The following DENND2B variants were observed in gnomAD, a reference collection of about 807,000 sequenced individuals.
DENND2B encodes the protein DENN domain containing 2B, also known as DENN domain-containing protein 2B.
Under a neutral mutation model 116.0 loss-of-function variants are expected in DENND2B, and 32 were observed. That is an observed-to-expected ratio of 0.28 (90% CI 0.21 to 0.37). DENND2B has a LOEUF of 0.37. DENND2B is among the 10% of genes least tolerant of loss of function. The probability of loss-of-function intolerance (pLI) is 1.00; values close to 1 mark genes in which losing one functional copy is unlikely to be tolerated. For synonymous variants in DENND2B, 588 were observed against 583.9 expected, an observed-to-expected ratio of 1.01 and a Z score of -0.10; for missense variants, 1,276 against 1,477.7, an observed-to-expected ratio of 0.86 and a Z score of 2.24.
intron 18 of DENND2B, chr11:8,695,823 C>CAT (rs2040255267): frequency 2.0e-6 from 1 of 494,740 alleles, no homozygotes; most frequent in East Asian, 3.6e-5. Context: ...TTCAGAGCTG[C>CAT]CCCAAGTGGA....
chr11:8,858,431 G>T (rs565076509), intron 2 of DENND2B, among the ~76,000 whole-genome samples: 1 of 152,092 alleles, frequency 6.6e-6, no homozygotes, highest in African/African-American at 2.4e-5. Flanking sequence ...GGCAGAGAAG[G>T]CCTCCCTGAG....
intron 3 of DENND2B, among the ~76,000 whole-genome samples, chr11:8,728,042 T>C (rs1023295688): frequency 2.4e-4 from 37 of 151,720 alleles, no homozygotes; most frequent in Admixed American, 1.7e-3. Context: ...TCTTGTGCTG[T>C]TGCCCAGGCT....
intron 2 of DENND2B, among the ~76,000 whole-genome samples, chr11:8,743,215 T>TA (rs922021804): frequency 2.0e-5 from 3 of 151,962 alleles, no homozygotes; most frequent in South Asian, 2.1e-4. Flanking sequence ...TAAATCTGTT[T>TA]AAAAAAAATC....
At chr11:8,879,499 T>G (rs1345935116) in intron 2 of DENND2B, among the ~76,000 whole-genome samples, 2 of 152,182 alleles carry the variant, frequency 1.3e-5, no homozygotes. Context: ...TTCTGAAGGA[T>G]GTGGAGAGAC....
At chr11:8,798,069 C>T (rs995531090) in intron 1 of DENND2B, among the ~76,000 whole-genome samples, 2 of 152,166 alleles carry the variant, frequency 1.3e-5, no homozygotes, top group African/African-American at 4.8e-5. Flanking sequence ...GTCCCTGTTA[C>T]TCTCTCTTTT....
chr11:8,903,642 A>C (rs1465613750), intron 1 of DENND2B, among the ~76,000 whole-genome samples: 2 of 152,070 alleles, frequency 1.3e-5, no homozygotes, highest in African/African-American at 4.8e-5. Context: ...AAACTGACTC[A>C]AGATGGAATA....
chr11:8,699,907 C>G, intron 14 of DENND2B: 1 of 456,392 alleles, frequency 2.2e-6, no homozygotes, highest in Non-Finnish European at 4.4e-6. Flanking sequence ...GGAAGGACAT[C>G]TTTTCCAAGA....
chr11:8,710,195 G>A (rs1313224621), intron 11 of DENND2B, among the ~76,000 whole-genome samples: 1 of 152,182 alleles, frequency 6.6e-6, no homozygotes, highest in African/African-American at 2.4e-5. Flanking sequence ...TGCAGCAGGG[G>A]CCAGGCTCTG....
intron 1 of DENND2B, among the ~76,000 whole-genome samples, chr11:8,777,353 G>T (rs2057856029): frequency 6.6e-6 from 1 of 152,148 alleles, no homozygotes; most frequent in Admixed American, 6.5e-5. Context: ...CCCTGCCCAG[G>T]GGAGACAAAT....
Position 8,702,741 on chromosome 11 carries a change from A to G in DENND2B, c.2572-21T>C, listed in dbSNP as rs750594244. 6.2e-7 allele frequency: 1 copy of G among 1,608,776 alleles called. No homozygotes were observed. Among genetic ancestry groups the G allele is most frequent in the Non-Finnish European group, 8.5e-7 (1 of 1,177,610 alleles). ...AACACCTGCAGGAGAGCGATGGGAA[A>G]GTGGGCCGGGGCCAGCCAAGTGGGT... On this transcript the variant is annotated intron_variant, in intron 13 of 19. Coordinates refer to ENST00000313726, the MANE Select transcript of DENND2B (RefSeq NM_213618.2). This position sits in a 1 kb window ranked among gnomAD's most constrained non-coding sequence, Gnocchi z 4.6.
chr11:8,907,858 G>C (rs1392384777), intron 1 of DENND2B, among the ~76,000 whole-genome samples: 1 of 152,112 alleles, frequency 6.6e-6, no homozygotes, highest in Non-Finnish European at 1.5e-5. Flanking sequence ...ACCATGCCAG[G>C]CTAGTTTTTT....
Position 8,730,173 on chromosome 11 carries a change from G to A in DENND2B, c.1117C>T (p.Arg373Trp). 6 of 1,614,102 alleles carry A rather than the reference G, an allele frequency of 3.7e-6. No individual in the cohort carries two copies. The highest frequency in any genetic ancestry group is 2.2e-5 in the East Asian group (1 of 44,872). Residue 373 changes from arginine (R) to tryptophan (W), a missense_variant, in exon 3 of 20, where the codon CGG (arginine) becomes TGG (tryptophan). Transcript: ENST00000313726. This position sits in a 1 kb window ranked among gnomAD's most constrained non-coding sequence, Gnocchi z 4.1. ...GTPGNSPSSQ[R>W]LPSKSSLDPA... is the part of the protein sequence containing the mutation. Reference sequence around the variant, plus strand: ...TCGAGGGAACTCTTCGATGGCAGCCGCTGGGAGCTAGGGCTATTTCCAGGG... The same window carrying A: ...TCGAGGGAACTCTTCGATGGCAGCCACTGGGAGCTAGGGCTATTTCCAGGG...
intron 1 of DENND2B, among the ~76,000 whole-genome samples, chr11:8,897,357 A>C (rs2568038): frequency 0.033 from 4,950 of 152,160 alleles, 254 homozygotes; most frequent in African/African-American, 0.11. Flanking sequence ...GAAAAATATG[A>C]ATCTATGGTA....
chr11:8,774,877 A>ATTTTTTTTTTTTTTTTTTTTTTTT (rs1565919434), intron 1 of DENND2B, among the ~76,000 whole-genome samples: 1 of 143,734 alleles, frequency 7.0e-6, no homozygotes, highest in Non-Finnish European at 1.5e-5. Flanking sequence ...TTTTTTTTTA[A>ATTTTTTTTTTTTTTTTTTTTTTTT]TTATTATTTT....
At chr11:8,718,520 T>C (rs2045523406) in intron 4 of DENND2B, 18 of 1,452,272 alleles carry the variant, frequency 1.2e-5, no homozygotes, top group Non-Finnish European at 1.5e-5. Context: ...AAGGAGGAAG[T>C]GTTCAGTAAT....
Position 8,727,702 on chromosome 11 carries a change from G to C in DENND2B, c.1341-1493C>G, listed in dbSNP as rs540779744. On this transcript the variant is annotated intron_variant, in intron 3 of 19. Coordinates refer to ENST00000313726, the MANE Select transcript of DENND2B (RefSeq NM_213618.2). Reference sequence around the variant, plus strand: ...TGAGCACAGTGGTTCGCAAATGTTGGCCCAGGACCAGAGTTAGTGTGAGAG... The same window carrying C: ...TGAGCACAGTGGTTCGCAAATGTTGCCCCAGGACCAGAGTTAGTGTGAGAG... Among the ~76,000 whole-genome samples, 141 of 152,218 alleles carry C rather than the reference G, an allele frequency of 9.3e-4. 1 individual carries two copies. The highest frequency in any genetic ancestry group is 7.4e-5 in the Non-Finnish European group (5 of 68,012).
At chr11:8,697,728 C>A in intron 16 of DENND2B, 92 bp from the exon 17 acceptor site, 1 of 793,630 alleles carries the variant, frequency 1.3e-6, no homozygotes, top group Admixed American at 1.9e-5. Flanking sequence ...AGTAGATAAT[C>A]TCATTTATCT....
At chr11:8,824,570 T>C (rs1041059785) in intron 4 of DENND2B, among the ~76,000 whole-genome samples, 3 of 152,352 alleles carry the variant, frequency 2.0e-5, no homozygotes, top group Admixed American at 6.5e-5. Flanking sequence ...CCATGCTGTA[T>C]ATGTACATTT....
intron 1 of DENND2B, among the ~76,000 whole-genome samples, chr11:8,899,650 C>T (rs1043234267): frequency 1.3e-5 from 2 of 152,050 alleles, no homozygotes; most frequent in Admixed American, 6.6e-5. Context: ...AGTTGATAAA[C>T]AAAGACTGAA....
Sources: gnomAD v4.1 joint callset for allele counts (sites outside exome capture counted in the v4.1 genomes callset) on GRCh38, gnomAD v4.1.1 for gene constraint, Gnocchi (gnomAD v3.1) non-coding constraint, MANE v1.5 for transcripts, NCBI Gene and HGNC (gene_info 2026-07-23, HGNC 2026-07-21) for gene names.